The following CACNB4 variants were observed in gnomAD, a reference collection of about 807,000 sequenced individuals.
CACNB4 encodes the protein calcium voltage-gated channel auxiliary subunit beta 4.
A neutral mutation model predicts 71.2 loss-of-function variants in CACNB4; 32 were observed. That is an observed-to-expected ratio of 0.45 (90% CI 0.34 to 0.60). CACNB4 has a LOEUF of 0.60. Among genes scored for constraint, CACNB4 ranks in the 20% least tolerant of loss-of-function variants. The pLI, the probability that CACNB4 is intolerant of heterozygous loss-of-function variation, is 0.01. For missense variants in CACNB4, 464 were observed against 647.9 expected (o/e 0.72, Z 3.08); for synonymous variants, 231 against 236.9 (o/e 0.97, Z 0.23).
At chr2:151,965,672 T>C (rs1484346855) in intron 2 of CACNB4, among the ~76,000 whole-genome samples, 1 of 152,196 alleles carries the variant, frequency 6.6e-6, no homozygotes, top group African/African-American at 2.4e-5. Flanking sequence ...TAAAGCAGAA[T>C]TACCTTTCCT....
chr2:152,083,702 G>C (rs1687494301), intron 2 of CACNB4, among the ~76,000 whole-genome samples: 1 of 152,184 alleles, frequency 6.6e-6, no homozygotes, highest in Non-Finnish European at 1.5e-5. Context: ...GCCAATTTGT[G>C]CTGGCTTTCT....
chr2:151,880,729 GT>G, intron 4 of CACNB4, 70 bp downstream of exon 4: 1 of 1,546,768 alleles, frequency 6.5e-7, no homozygotes, highest in Non-Finnish European at 8.8e-7. Flanking sequence ...TCTCTGGCTA[GT>G]TTGGCTCAGA....
chr2:152,098,274 C>T lies in CACNB4; in HGVS notation c.147+56G>A, dbSNP rs1688390495. 7.0e-7 allele frequency: 1 copy of T among 1,437,002 alleles called. No individual in the cohort carries two copies. Among genetic ancestry groups the T allele is most frequent in the Admixed American group, 1.7e-5 (1 of 59,532 alleles). 89.0% of individuals were successfully genotyped at this position (1,437,002 alleles called of 1,614,324 possible). The stretch of plus-strand genomic sequence containing the variant: ...GTGGGCCACGGCCGGCTCCAGGACC[C>T]CCGCGCCGCGCGCTCGGCCTCCTCC... On this transcript the variant is annotated intron_variant, in intron 2 of 13. Coordinates refer to ENST00000539935, the MANE Select transcript of CACNB4 (RefSeq NM_000726.5). The surrounding 1 kb of genome is among the most constrained non-coding windows in gnomAD (Gnocchi z 5.3).
At chr2:151,895,432 C>G (rs2099851820) in intron 2 of CACNB4, among the ~76,000 whole-genome samples, 1 of 151,384 alleles carries the variant, frequency 6.6e-6, no homozygotes, top group South Asian at 2.1e-4. Context: ...AATGTGAAAT[C>G]ATTAAGTCAG....
chr2:151,927,372 C>T (rs552985371), intron 2 of CACNB4, among the ~76,000 whole-genome samples: 42 of 152,108 alleles, frequency 2.8e-4, no homozygotes, highest in Non-Finnish European at 5.6e-4. Flanking sequence ...GTGGGCCACT[C>T]GTGCAGTTAT....
Position 151,836,830 on chromosome 2 carries a change from A to G in CACNB4, c.*2289T>C, listed in dbSNP as rs1476242726. The G allele has an allele frequency of 6.6e-6, 1 of 152,000 alleles. No individual in the cohort carries two copies. The highest frequency in any genetic ancestry group is 2.4e-5 in the African/African-American group (1 of 41,454). 9.4% of individuals were successfully genotyped at this position (152,000 alleles called of 1,614,324 possible). On this transcript the variant is annotated 3_prime_UTR_variant, in exon 14 of 14. Transcript: ENST00000539935. ...GTTACAGCTACCTGCCATAAAATGT[A>G]AGTATCTTAAAGTAGTTAAATGACC...
intron 2 of CACNB4, among the ~76,000 whole-genome samples, chr2:152,040,839 C>T (rs544926086): frequency 3.3e-5 from 5 of 152,290 alleles, no homozygotes; most frequent in South Asian, 2.1e-4. Flanking sequence ...CATATGCTGC[C>T]GGTGCCAAAT....
At chr2:151,928,639 A>G (rs1007211242) in intron 2 of CACNB4, among the ~76,000 whole-genome samples, 1 of 152,214 alleles carries the variant, frequency 6.6e-6, no homozygotes, top group African/African-American at 2.4e-5. Context: ...AAACAAACAA[A>G]AAGGCTGGGT....
intron 4 of CACNB4, among the ~76,000 whole-genome samples, chr2:151,878,921 A>C (rs2099847167): frequency 6.6e-6 from 1 of 152,216 alleles, no homozygotes; most frequent in Non-Finnish European, 1.5e-5. Context: ...CAAAAAAATA[A>C]AAAAGAAAAG....
At chr2:151,986,423 C>T (rs756480024) in intron 2 of CACNB4, among the ~76,000 whole-genome samples, 1 of 152,098 alleles carries the variant, frequency 6.6e-6, no homozygotes, top group Non-Finnish European at 1.5e-5. Flanking sequence ...ATATTATTTA[C>T]CGATTTATGA....
chr2:152,076,551 A>C (rs1400263239), intron 2 of CACNB4, among the ~76,000 whole-genome samples: 3 of 152,110 alleles, frequency 2.0e-5, no homozygotes, highest in Non-Finnish European at 4.4e-5. Context: ...ACATAGTTTC[A>C]GGTAAACTCC....
chr2:151,968,264 C>T (rs1245657728), intron 2 of CACNB4: 1 of 152,208 alleles, frequency 6.6e-6, no homozygotes, highest in Non-Finnish European at 1.5e-5. Context: ...TGGCAGGTTA[C>T]AGCTGTTGCT....
chr2:152,067,399 G>A (rs971519504), intron 2 of CACNB4, among the ~76,000 whole-genome samples: 1 of 149,634 alleles, frequency 6.7e-6, no homozygotes, highest in Non-Finnish European at 1.5e-5. Flanking sequence ...GGGGGGGGGG[G>A]TGCCTCTCAC....
At chr2:151,853,720 C>A in intron 11 of CACNB4, 177 bp from the exon 12 acceptor site, 1 of 491,902 alleles carries the variant, frequency 2.0e-6, no homozygotes, top group South Asian at 2.7e-5. Context: ...GCTCTCAGTT[C>A]CATGGATTTG....
At chr2:151,855,432 T>C (rs1375799285) in intron 10 of CACNB4, 57 bp from the exon 11 acceptor site, 5 of 1,258,502 alleles carry the variant, frequency 4.0e-6, no homozygotes, top group Middle Eastern at 2.6e-4. Flanking sequence ...GTTCTTACAT[T>C]AGAAAGATAT....
At chr2:152,037,963 A>G (rs1192141085) in intron 2 of CACNB4, among the ~76,000 whole-genome samples, 1 of 152,236 alleles carries the variant, frequency 6.6e-6, no homozygotes, top group East Asian at 1.9e-4. Context: ...AGCTGGATGC[A>G]GAAGGGAACC....
At position 152,098,516 on chromosome 2, in the gene CACNB4, G is replaced by T. The variant is rs1300139973; in HGVS notation, c.64-103C>A. ...GTCCGCCTCCGGACCCGCTCCCTGG[G>T]GTCCCCTAGAGCCCGCACCCAAGTC... is the stretch of plus-strand genomic sequence containing the variant. On this transcript the variant is annotated intron_variant, in intron 1 of 13. Transcript: ENST00000539935. This position sits in a 1 kb window ranked among gnomAD's most constrained non-coding sequence, Gnocchi z 5.3. The T allele has an allele frequency of 7.3e-6, 10 of 1,370,882 alleles. No homozygotes were observed. In the East Asian group the frequency reaches 1.8e-4, roughly 25 times the overall value. The allele number at this position is 1,370,882 out of a possible 1,614,324, so 84.9% of individuals were successfully genotyped here.
Position 151,950,240 on chromosome 2 carries a change from T to C in CACNB4, c.148-66870A>G, listed in dbSNP as rs146673396. 3.4e-3 allele frequency among the ~76,000 whole-genome samples: 521 copies of C among 152,154 alleles called. 5 individuals carry two copies. Among genetic ancestry groups the C allele is most frequent in the African/African-American group, 0.012 (498 of 41,476 alleles). ...CTGCCCCTACACATACAGAGCCATATTTTTATTTCTCAATAAAGGCATCCT... is the reference window on the plus strand; with the variant it reads ...CTGCCCCTACACATACAGAGCCATACTTTTATTTCTCAATAAAGGCATCCT... On this transcript the variant is annotated intron_variant, in intron 2 of 13. Transcript: ENST00000539935.
At position 152,098,214 on chromosome 2, in the gene CACNB4, G is replaced by A. The variant is rs1688385239; in HGVS notation, c.147+116C>T. 1.3e-6 allele frequency: 1 copy of A among 747,220 alleles called. No individual in the cohort carries two copies. Among genetic ancestry groups the A allele is most frequent in the Admixed American group, 2.4e-5 (1 of 42,392 alleles). The allele number at this position is 747,220 out of a possible 1,614,324, so 46.3% of individuals were successfully genotyped here. A position where few individuals can be genotyped will look rare whatever the true frequency, so the allele number is the denominator to read the frequency against. ...CGAGCACCGGCCGAGGCCGGGAAGA[G>A]ACGCGCGCGGGCTTGACCCGCAGCT... On this transcript the variant is annotated intron_variant, in intron 2 of 13. Coordinates refer to ENST00000539935, the MANE Select transcript of CACNB4 (RefSeq NM_000726.5). This position sits in a 1 kb window ranked among gnomAD's most constrained non-coding sequence, Gnocchi z 5.3.
Sources: gnomAD v4.1 joint callset for allele counts (sites outside exome capture counted in the v4.1 genomes callset) on GRCh38, gnomAD v4.1.1 for gene constraint, Gnocchi (gnomAD v3.1) non-coding constraint, MANE v1.5 for transcripts, NCBI Gene and HGNC (gene_info 2026-07-23, HGNC 2026-07-21) for gene names.